The following PACRG variants were observed in gnomAD, a reference collection of about 807,000 sequenced individuals.
The protein encoded by PACRG is parkin coregulated, also known as parkin coregulated gene protein.
A neutral mutation model predicts 29.7 loss-of-function variants in PACRG; 29 were observed. That is an observed-to-expected ratio of 0.98 (90% CI 0.73 to 1.33). The LOEUF (loss-of-function observed/expected upper bound fraction) is 1.33. Among genes scored for constraint, PACRG ranks in the 40% most tolerant of loss-of-function variants. PACRG has a pLI of 0.00. For missense variants in PACRG, 279 were observed against 316.2 expected, an observed-to-expected ratio of 0.88 and a Z score of 0.89; for synonymous variants, 116 against 118.7, an observed-to-expected ratio of 0.98 and a Z score of 0.15.
chr6:163,189,400 A>C (rs1356284059), intron 4 of PACRG: 1 of 152,264 alleles, frequency 6.6e-6, no homozygotes, highest in Non-Finnish European at 1.5e-5. Flanking sequence ...CTCTTACAGA[A>C]CAATGAAAAA....
At chr6:163,030,222 G>A (rs1218012389) in intron 2 of PACRG, among the ~76,000 whole-genome samples, 2 of 152,164 alleles carry the variant, frequency 1.3e-5, no homozygotes, top group Non-Finnish European at 2.9e-5. Context: ...TACCTGGGCA[G>A]GAAGGAGACT....
chr6:163,204,338 A>G (rs1054494070), intron 4 of PACRG, among the ~76,000 whole-genome samples: 2 of 152,202 alleles, frequency 1.3e-5, no homozygotes, highest in Non-Finnish European at 2.9e-5. Context: ...ATCCACCTTT[A>G]TGTTATTACT....
At chr6:163,022,777 G>T (rs776818582) in intron 2 of PACRG, among the ~76,000 whole-genome samples, 30 of 152,128 alleles carry the variant, frequency 2.0e-4, no homozygotes, top group Admixed American at 9.2e-4. Flanking sequence ...AATTTCCTTC[G>T]ATTTGTCCTG....
At chr6:163,181,267 C>T (rs150199981) in intron 4 of PACRG, among the ~76,000 whole-genome samples, 117 of 152,290 alleles carry the variant, frequency 7.7e-4, no homozygotes, top group Non-Finnish European at 1.5e-3. Context: ...TTAAAGAATA[C>T]GTGATGCAAC....
chr6:163,280,676 C>T (rs995684425), intron 4 of PACRG, among the ~76,000 whole-genome samples: 17 of 152,190 alleles, frequency 1.1e-4, no homozygotes, highest in African/African-American at 3.6e-4. Context: ...CTTTTCCTGG[C>T]TTGCAGGTGA....
At chr6:162,731,063 G>A (rs1779731017) in intron 1 of PACRG, among the ~76,000 whole-genome samples, 1 of 152,118 alleles carries the variant, frequency 6.6e-6, no homozygotes, top group Admixed American at 6.6e-5. Flanking sequence ...TTCTATTACA[G>A]CTTTCCTTCT....
intron 4 of PACRG, among the ~76,000 whole-genome samples, chr6:163,254,400 T>C (rs1409313287): frequency 1.3e-5 from 2 of 152,164 alleles, no homozygotes; most frequent in African/African-American, 2.4e-5. Context: ...TGAGGCCCCA[T>C]TGAAGTAGGA....
chr6:163,209,437 A>G (rs1025898743), intron 4 of PACRG, among the ~76,000 whole-genome samples: 3 of 152,210 alleles, frequency 2.0e-5, no homozygotes, highest in Non-Finnish European at 2.9e-5. Context: ...TTCTAAATCT[A>G]TAATTAAAAG....
At chr6:162,854,749 C>T (rs763350235) in intron 2 of PACRG, among the ~76,000 whole-genome samples, 31 of 152,166 alleles carry the variant, frequency 2.0e-4, no homozygotes, top group Non-Finnish European at 4.4e-5. Context: ...GCTAGGCCTA[C>T]TATGAATTGT....
intron 1 of PACRG, among the ~76,000 whole-genome samples, chr6:162,737,855 A>G (rs1447439337): frequency 6.6e-6 from 1 of 152,092 alleles, no homozygotes; most frequent in Non-Finnish European, 1.5e-5. Flanking sequence ...GCTTATAGGT[A>G]TACATTTTCC....
At chr6:162,821,378 A>G (rs944980929) in intron 2 of PACRG, among the ~76,000 whole-genome samples, 5 of 152,210 alleles carry the variant, frequency 3.3e-5, no homozygotes, top group African/African-American at 1.2e-4. Context: ...TGTGACAGTG[A>G]TTTGTTTGGC....
chr6:162,763,806 A>G (rs1782565317), intron 1 of PACRG, among the ~76,000 whole-genome samples: 1 of 152,168 alleles, frequency 6.6e-6, no homozygotes, highest in African/African-American at 2.4e-5. Flanking sequence ...TTTATAATTA[A>G]CCTTCAGTCG....
At chr6:163,141,144 A>G (rs1399713140) in intron 4 of PACRG, among the ~76,000 whole-genome samples, 8 of 152,230 alleles carry the variant, frequency 5.3e-5, no homozygotes, top group Admixed American at 2.6e-4. Flanking sequence ...AGCCCGAGAC[A>G]CAAGGCAGTG....
At chr6:162,967,485 T>G (rs1471057441) in intron 2 of PACRG, among the ~76,000 whole-genome samples, 6 of 152,118 alleles carry the variant, frequency 3.9e-5, no homozygotes, top group Non-Finnish European at 8.8e-5. Flanking sequence ...CAATAGATTT[T>G]GGTAGAACAT....
At chr6:162,830,770 T>C (rs943894339) in intron 2 of PACRG, among the ~76,000 whole-genome samples, 4 of 152,178 alleles carry the variant, frequency 2.6e-5, no homozygotes, top group Admixed American at 2.6e-4. Context: ...TTTGGGCGGC[T>C]TTGGTGGAGG....
chr6:163,201,313 A>G (rs1318025725), intron 4 of PACRG, among the ~76,000 whole-genome samples: 1 of 152,246 alleles, frequency 6.6e-6, no homozygotes, highest in Non-Finnish European at 1.5e-5. Flanking sequence ...GGAACCAGGA[A>G]GACTACAACA....
At chr6:162,851,558 G>C (rs1790863781) in intron 2 of PACRG, among the ~76,000 whole-genome samples, 1 of 152,016 alleles carries the variant, frequency 6.6e-6, no homozygotes, top group Admixed American at 6.5e-5. Flanking sequence ...ATTGTATCCA[G>C]CCAGTTCTTA....
intron 3 of PACRG, among the ~76,000 whole-genome samples, chr6:163,066,347 G>A (rs1811541135): frequency 6.6e-6 from 1 of 152,198 alleles, no homozygotes. Flanking sequence ...CGCAGTGACT[G>A]CAGTATCCCT....
intron 1 of PACRG, among the ~76,000 whole-genome samples, chr6:162,785,050 G>T (rs1044747807): frequency 1.3e-5 from 2 of 152,092 alleles, no homozygotes; most frequent in South Asian, 4.2e-4. Context: ...TGGGAAAACA[G>T]ACTCATCCCT....
Sources: gnomAD v4.1 joint callset for allele counts (sites outside exome capture counted in the v4.1 genomes callset) on GRCh38, gnomAD v4.1.1 for gene constraint, MANE v1.5 for transcripts, NCBI Gene and HGNC (gene_info 2026-07-23, HGNC 2026-07-21) for gene names.